Variants in SYNE1 observed in about 807,000 individuals in gnomAD.
The protein encoded by SYNE1 is nesprin-1.
In SYNE1, 616 loss-of-function variants were observed where a neutral mutation model predicts 1,111.0. That is an observed-to-expected ratio of 0.55 (90% CI 0.52 to 0.59). The LOEUF is 0.59. SYNE1 is among the 20% of genes least tolerant of loss of function. The pLI is 0.00. For missense variants in SYNE1, 10,006 were observed against 10,417.0 expected, an observed-to-expected ratio of 0.96 and a Z score of 1.72; for synonymous variants, 3,855 against 3,825.8, an observed-to-expected ratio of 1.01 and a Z score of -0.28.
At chr6:152,366,982 AC>A in intron 62 of SYNE1, 1 of 684,950 alleles carries the variant, frequency 1.5e-6, no homozygotes, top group Non-Finnish European at 2.7e-6. Flanking sequence ...ACAAGTGATC[AC>A]ACAAGTAATC....
rs776429662 is a variant in SYNE1 at position 152,462,837 on chromosome 6, A to C, written c.2151T>G (p.Val717=). 6 of 1,613,960 alleles carry C rather than the reference A, an allele frequency of 3.7e-6. No individual in the cohort carries two copies. In the South Asian group the frequency reaches 6.6e-5, roughly 18 times the overall value. The part of the protein sequence containing the change: ...DRMKKEYTDC[V]VTLSAFATEA... ...CCGTTGCAAAAGCAGACAGGGTAAC[A>C]ACACAGTCTGTGTATTCCTTCTTCA... Residue 717 remains valine (V), a synonymous_variant, in exon 20 of 146, where the codon GTT becomes GTG. Transcript: ENST00000367255.
intron 127 of SYNE1, among the ~76,000 whole-genome samples, chr6:152,189,683 T>C (rs2071628983): frequency 6.6e-6 from 1 of 152,196 alleles, no homozygotes; most frequent in Admixed American, 6.5e-5. Context: ...AAATGTGCAA[T>C]AGCATATGTC....
chr6:152,331,208 CT>C lies in SYNE1; in HGVS notation c.13476del (p.Val4493SerfsTer28), dbSNP rs1590230520. On this transcript the variant is annotated frameshift_variant, in exon 78 of 146. Coordinates refer to ENST00000367255, the MANE Select transcript of SYNE1 (RefSeq NM_182961.4). LOFTEE classifies it high-confidence loss of function. ...ICLLPDDVSK[Q>X]VKTCKSAQAS... ...GCTTGTGCACTCTTACATGTTTTGA[CT>C]TGTTTGCTCACATCATCTGGTAACA... is the stretch of plus-strand genomic sequence containing the variant. The C allele has an allele frequency of 1.2e-6, 2 of 1,613,978 alleles. No homozygotes were observed. The highest frequency in any genetic ancestry group is 1.7e-6 in the Non-Finnish European group (2 of 1,180,042).
At chr6:152,582,051 T>C (rs1474287623) in intron 3 of SYNE1, among the ~76,000 whole-genome samples, 19 of 152,160 alleles carry the variant, frequency 1.2e-4, no homozygotes, top group Admixed American at 1.2e-3. Context: ...ATGTCACCAA[T>C]AACCCACATA....
Position 152,232,105 on chromosome 6 carries a change from A to G in SYNE1, c.20862+11T>C, listed in dbSNP as rs1251238194. The G allele has an allele frequency of 6.4e-7, 1 of 1,558,146 alleles. No homozygotes were observed. The highest frequency in any genetic ancestry group is 8.8e-7 in the Non-Finnish European group (1 of 1,133,018). ...AAATATGAAAAGTTAAAAACAAAAAATTTTAATTACCTTATATTTCTGAAG... is the reference window on the plus strand; with the variant it reads ...AAATATGAAAAGTTAAAAACAAAAAGTTTTAATTACCTTATATTTCTGAAG... On this transcript the variant is annotated intron_variant, in intron 113 of 145. Coordinates refer to ENST00000367255, the MANE Select transcript of SYNE1 (RefSeq NM_182961.4).
chr6:152,130,512 G>A (rs1044791061), intron 145 of SYNE1, among the ~76,000 whole-genome samples: 4 of 152,122 alleles, frequency 2.6e-5, no homozygotes, highest in Admixed American at 2.0e-4. Flanking sequence ...GAATTTTCAC[G>A]GAGTCCAAAT....
chr6:152,307,927 G>A (rs2095427980), intron 91 of SYNE1, among the ~76,000 whole-genome samples: 1 of 152,158 alleles, frequency 6.6e-6, no homozygotes, highest in South Asian at 2.1e-4. Context: ...CTGCATCCTG[G>A]GTTCAAGTGC....
Position 152,155,936 on chromosome 6 carries a change from A to G in SYNE1, c.23952T>C (p.Cys7984=). Reference sequence around the variant, plus strand: ...TCAGCCTCCTTTCCATGGACATAGCACAAATGTTTCTCCACCGCCGGTCCA... The same window carrying G: ...TCAGCCTCCTTTCCATGGACATAGCGCAAATGTTTCTCCACCGCCGGTCCA... ...RNLDRRWRNI[C]AMSMERRLKI... is the part of the protein sequence containing the mutation. The change falls in exon 132 of 146, where the codon TGT becomes TGC. Residue 7984 remains cysteine, a synonymous_variant. Coordinates refer to ENST00000367255, the MANE Select transcript of SYNE1 (RefSeq NM_182961.4). The G allele has an allele frequency of 6.2e-7, 1 of 1,614,130 alleles. No homozygotes were observed.
chr6:152,594,279 A>G lies in SYNE1; in HGVS notation c.67+33986T>C, dbSNP rs530646864. Reference sequence around the variant, plus strand: ...GGACATAAGAGTGTTGACCTGTAAGAGAGGAACGCTGAGGAGACCAGCATC... The same window carrying G: ...GGACATAAGAGTGTTGACCTGTAAGGGAGGAACGCTGAGGAGACCAGCATC... On this transcript the variant is annotated intron_variant, in intron 3 of 145. Transcript: ENST00000367255. Among the ~76,000 whole-genome samples the G allele has an allele frequency of 1.7e-4, 26 of 152,324 alleles. No homozygotes were observed. In the South Asian group the frequency reaches 4.8e-3, roughly 28 times the overall value.
At chr6:152,437,425 C>G (rs1292479733) in intron 32 of SYNE1, among the ~76,000 whole-genome samples, 1 of 152,074 alleles carries the variant, frequency 6.6e-6, no homozygotes, top group Non-Finnish European at 1.5e-5. Context: ...ATTCTATTAG[C>G]AATCTTACTT....
In SYNE1 at chr6:152,208,119, G is replaced by T. The variant is rs1040689143; in HGVS notation, c.22677C>A (p.Asp7559Glu). The T allele has an allele frequency of 6.2e-7, 1 of 1,614,068 alleles. No homozygotes were observed. Among genetic ancestry groups the T allele is most frequent in the African/African-American group, 1.3e-5 (1 of 75,024 alleles). ...AGCGCTGCCACTGGCGAATCTGGCT[G>T]TCAATGATCCCCCGCCTCTGCTGGG... is the stretch of plus-strand genomic sequence containing the variant. ...RRAQQRRGII[D>E]SQIRQWQRYR... Residue 7559 changes from aspartate (D) to glutamate (E), a missense_variant, in exon 125 of 146, where the codon GAC (aspartate) becomes GAA (glutamate). Physicochemically the swap from Asp to Glu is conservative, Grantham distance 45 (BLOSUM62 2). Transcript: ENST00000367255.
intron 46 of SYNE1, 86 bp downstream of exon 46, chr6:152,404,127 A>G: frequency 2.3e-6 from 2 of 856,810 alleles, no homozygotes; most frequent in Non-Finnish European, 2.0e-6. Context: ...ACACACACAC[A>G]CACACACACA....
chr6:152,573,983 A>G (rs1050919873), intron 3 of SYNE1, among the ~76,000 whole-genome samples: 1 of 152,058 alleles, frequency 6.6e-6, no homozygotes, highest in African/African-American at 2.4e-5. Flanking sequence ...GGAAGCAAAA[A>G]CATTAGAGAT....
intron 131 of SYNE1, among the ~76,000 whole-genome samples, chr6:152,159,663 G>A (rs1312316935): frequency 6.6e-6 from 1 of 152,038 alleles, no homozygotes; most frequent in Non-Finnish European, 1.5e-5. Flanking sequence ...GGAGTGCAGG[G>A]GTGTGATTAT....
intron 115 of SYNE1, among the ~76,000 whole-genome samples, chr6:152,229,528 G>C (rs1046721516): frequency 1.3e-5 from 2 of 152,140 alleles, no homozygotes; most frequent in South Asian, 4.2e-4. Context: ...TTAATAATGG[G>C]ATATTATTAA....
At chr6:152,579,143 C>A (rs1270809472) in intron 3 of SYNE1, among the ~76,000 whole-genome samples, 1 of 152,142 alleles carries the variant, frequency 6.6e-6, no homozygotes, top group Non-Finnish European at 1.5e-5. Flanking sequence ...TATTTCTGGT[C>A]TTACATGCTC....
Position 152,183,379 on chromosome 6 carries a change from G to A in SYNE1, c.23302-3085C>T, listed in dbSNP as rs138075580. Among the ~76,000 whole-genome samples the A allele has an allele frequency of 3.5e-3, 538 of 152,240 alleles. 4 individuals carry two copies. The highest frequency in any genetic ancestry group is 0.012 in the African/African-American group (516 of 41,552). On this transcript the variant is annotated intron_variant, in intron 128 of 145. Transcript: ENST00000367255. ...TGCCTGTAATCCCAGCACTTTGGGA[G>A]GCCGAGGTGGGCAGAGTTCAAGACC...
In SYNE1 at chr6:152,197,396, C is replaced by T. The variant is rs553808509; in HGVS notation, c.23145+4428G>A. 1.5e-3 allele frequency among the ~76,000 whole-genome samples: 231 copies of T among 152,326 alleles called. 1 individual carries two copies. The highest frequency in any genetic ancestry group is 2.6e-3 in the Non-Finnish European group (179 of 68,030). On this transcript the variant is annotated intron_variant, in intron 127 of 145. Coordinates refer to ENST00000367255, the MANE Select transcript of SYNE1 (RefSeq NM_182961.4). Reference sequence around the variant, plus strand: ...ATGTTCTTACTGCCATCTGCAATGACGAATCCTTTCCACAGGGTTTTCCAT... The same window carrying T: ...ATGTTCTTACTGCCATCTGCAATGATGAATCCTTTCCACAGGGTTTTCCAT...
Position 152,472,384 on chromosome 6 carries a change from T to G in SYNE1, c.1380A>C (p.Lys460Asn), listed in dbSNP as rs1416251927. 1 of 1,613,996 alleles carries G rather than the reference T, an allele frequency of 6.2e-7. No individual in the cohort carries two copies. Among genetic ancestry groups the G allele is most frequent in the Non-Finnish European group, 8.5e-7 (1 of 1,179,976 alleles). Reference protein sequence around the residue: ...KDLLQNTDAHKRAFHEIYRTR... With the variant: ...KDLLQNTDAHNRAFHEIYRTR... ...TCCGGTAGATTTCATGGAATGCTCTTTTGTGGGCATCCGTGTTTTGAAGCA... is the reference window on the plus strand; with the variant it reads ...TCCGGTAGATTTCATGGAATGCTCTGTTGTGGGCATCCGTGTTTTGAAGCA... Residue 460 changes from lysine (K) to asparagine (N), a missense_variant, in exon 15 of 146, where the codon AAA becomes AAC. Physicochemically the swap from Lys to Asn is moderately conservative, Grantham distance 94. This residue lies in a region of SYNE1 where 1,971 missense variants were observed against 2,084.1 expected (regional missense o/e 0.95). Coordinates refer to ENST00000367255, the MANE Select transcript of SYNE1 (RefSeq NM_182961.4).
Sources: allele counts gnomAD v4.1 joint callset (sites outside exome capture counted in the v4.1 genomes callset), GRCh38; gene constraint gnomAD v4.1.1; regional missense constraint gnomAD v4.1.1; transcripts MANE v1.5; gene names NCBI Gene and HGNC (gene_info 2026-07-23, HGNC 2026-07-21).